The following MAP2 variants were observed in gnomAD, a reference collection of about 807,000 sequenced individuals.
MAP2 encodes the protein microtubule associated protein 2.
A neutral mutation model predicts 137.6 loss-of-function variants in MAP2; 14 were observed. The observed-to-expected ratio is 0.10, with a 90% CI of 0.07 to 0.16. The LOEUF (loss-of-function observed/expected upper bound fraction) is 0.16. Ranked by LOEUF, MAP2 falls within the 10% of genes least tolerant of loss-of-function variation. The pLI is 1.00. For synonymous variants in MAP2, 786 were observed against 782.3 expected (o/e 1.00, Z -0.08); for missense variants, 2,088 against 2,191.5 (o/e 0.95, Z 0.94).
rs1343046264 is a variant in MAP2, at chr2:209,538,390, A to G, written c.-172+30749A>G. 2.0e-5 allele frequency among the ~76,000 whole-genome samples: 3 copies of G among 152,110 alleles called. No individual in the cohort carries two copies. The East Asian group carries it at 5.8e-4, about 29-fold the overall frequency. ...TATCATTGGTTCATATTCCATATTT[A>G]TATCATTTGTTCAAGTTCCTCAAAT... On this transcript the variant is annotated intron_variant, in intron 2 of 15. Coordinates refer to ENST00000682079, the MANE Select transcript of MAP2 (RefSeq NM_001375505.1).
rs767516546 is a variant in MAP2 at position 209,694,680 on chromosome 2, A to T, written c.2510A>T (p.Glu837Val). Residue 837 changes from glutamate (E) to valine (V), a missense_variant, in exon 8 of 16, where the codon GAG becomes GTG. By Grantham distance (121) the Glu-to-Val change is moderately radical. Around this residue, in one of 6 missense-constraint regions of MAP2, gnomAD observed 500 missense variants for 482.9 expected, o/e 1.04. Transcript: ENST00000682079. ...GCCAGGAGGAAATCAGTCCCATCAG[A>T]GACTGTGGTTGAGGATAGTCGTACT... The part of the protein sequence containing the change: ...EVARRKSVPS[E>V]TVVEDSRTGL... 2 of 1,614,160 alleles carry T rather than the reference A, an allele frequency of 1.2e-6. No homozygotes were observed. The highest frequency in any genetic ancestry group is 1.7e-6 in the Non-Finnish European group (2 of 1,180,020).
chr2:209,600,035 A>G (rs1310674184), intron 3 of MAP2, among the ~76,000 whole-genome samples: 1 of 152,224 alleles, frequency 6.6e-6, no homozygotes, highest in African/African-American at 2.4e-5. Context: ...TTGTTTTGAA[A>G]CTGAATGGTA....
intron 1 of MAP2, among the ~76,000 whole-genome samples, chr2:209,476,838 T>G (rs1013986399): frequency 2.6e-5 from 4 of 152,232 alleles, no homozygotes; most frequent in Non-Finnish European, 4.4e-5. Context: ...TTTTCTCATT[T>G]GAGAAAAGTG....
chr2:209,524,353 T>G (rs927818888), intron 2 of MAP2, among the ~76,000 whole-genome samples: 1 of 152,032 alleles, frequency 6.6e-6, no homozygotes, highest in African/African-American at 2.4e-5. Flanking sequence ...TTAACACACA[T>G]AATCCAGAGT....
At position 209,705,568 on chromosome 2, in the gene MAP2, T is replaced by G; in HGVS notation, c.4585-12T>G. ...ACAAGAACCCAATGTTCTTTTTGTT[T>G]TCTCCAATCAGGACGGAGTAACCAA... On this transcript the variant is annotated splice_polypyrimidine_tract_variant and intron_variant, in intron 11 of 15. Coordinates refer to ENST00000682079, the MANE Select transcript of MAP2 (RefSeq NM_001375505.1). 6.4e-7 allele frequency: 1 copy of G among 1,571,530 alleles called. No homozygotes were observed.
intron 2 of MAP2, among the ~76,000 whole-genome samples, chr2:209,559,676 T>G (rs2071547927): frequency 6.6e-6 from 1 of 151,660 alleles, no homozygotes. Context: ...AAAACCAAAT[T>G]TGGCCACTGG....
At chr2:209,670,836 A>C (rs185539008) in intron 5 of MAP2, among the ~76,000 whole-genome samples, 1 of 151,768 alleles carries the variant, frequency 6.6e-6, no homozygotes, top group East Asian at 1.9e-4. Flanking sequence ...AAGAAGAAAA[A>C]TAAAACATGT....
intron 1 of MAP2, among the ~76,000 whole-genome samples, chr2:209,483,997 G>C (rs1476056844): frequency 6.6e-6 from 1 of 152,194 alleles, no homozygotes; most frequent in East Asian, 1.9e-4. Context: ...GCAGGGAGCT[G>C]GGAGCTGTAT....
chr2:209,444,840 A>G (rs1002494470), intron 1 of MAP2, among the ~76,000 whole-genome samples: 2 of 151,500 alleles, frequency 1.3e-5, no homozygotes, highest in East Asian at 1.9e-4. Context: ...TAAAAATAGT[A>G]TATTTTTAAA....
chr2:209,425,874 A>G (rs988782948), intron 1 of MAP2, among the ~76,000 whole-genome samples: 1 of 152,236 alleles, frequency 6.6e-6, no homozygotes, highest in Non-Finnish European at 1.5e-5. Flanking sequence ...CCATCAGAAT[A>G]TAACACAAAG....
At chr2:209,584,662 G>A (rs939486447) in intron 3 of MAP2, among the ~76,000 whole-genome samples, 3 of 152,052 alleles carry the variant, frequency 2.0e-5, no homozygotes, top group African/African-American at 7.2e-5. Context: ...GTGTGTGAGA[G>A]CATGTTGAAG....
At chr2:209,566,241 A>G (rs1338014101) in intron 2 of MAP2, among the ~76,000 whole-genome samples, 1 of 152,172 alleles carries the variant, frequency 6.6e-6, no homozygotes. Flanking sequence ...ATCCTCTGTC[A>G]CGGACTTGCT....
intron 1 of MAP2, among the ~76,000 whole-genome samples, chr2:209,424,973 T>A (rs1692144206): frequency 6.6e-6 from 1 of 151,692 alleles, no homozygotes; most frequent in East Asian, 1.9e-4. Context: ...TTTAAAAGGC[T>A]TTTTTGGTGG....
chr2:209,701,841 T>C (rs1222357413), intron 11 of MAP2, among the ~76,000 whole-genome samples: 5 of 152,100 alleles, frequency 3.3e-5, no homozygotes, highest in Non-Finnish European at 4.4e-5. Context: ...AAATTAATGA[T>C]GTATGGTGGT....
At chr2:209,464,943 T>C (rs1157271045) in intron 1 of MAP2, among the ~76,000 whole-genome samples, 2 of 152,162 alleles carry the variant, frequency 1.3e-5, no homozygotes, top group Admixed American at 6.5e-5. Flanking sequence ...ATTATAATTG[T>C]GTGTGTAAAT....
intron 2 of MAP2, among the ~76,000 whole-genome samples, chr2:209,511,061 G>C (rs541186026): frequency 7.9e-5 from 12 of 152,110 alleles, no homozygotes; most frequent in Admixed American, 3.3e-4. Flanking sequence ...GAGCAGAAAA[G>C]AACTAAGATT....
In MAP2 at chr2:209,482,103, C is replaced by T. The variant is rs757886028; in HGVS notation, c.-221-25489C>T. On this transcript the variant is annotated intron_variant, in intron 1 of 15. Coordinates refer to ENST00000682079, the MANE Select transcript of MAP2 (RefSeq NM_001375505.1). ...GATTAGACCAAAATCTCAAAGACAG[C>T]AGTAGAATCAGTGTTGACACTTCAC... 4.5e-4 allele frequency among the ~76,000 whole-genome samples: 69 copies of T among 152,102 alleles called. 1 individual carries two copies. The highest frequency in any genetic ancestry group is 3.2e-3 in the Middle Eastern group (1 of 314).
At chr2:209,594,494 A>G (rs2080701722) in intron 3 of MAP2, among the ~76,000 whole-genome samples, 1 of 152,106 alleles carries the variant, frequency 6.6e-6, no homozygotes, top group Non-Finnish European at 1.5e-5. Context: ...GGGTCCTACT[A>G]TTAACAAAAC....
At chr2:209,611,688 G>A (rs930395602) in intron 3 of MAP2, among the ~76,000 whole-genome samples, 1 of 151,972 alleles carries the variant, frequency 6.6e-6, no homozygotes, top group Non-Finnish European at 1.5e-5. Context: ...CCATAACAGT[G>A]TTAGTCAACA....
Sources: allele counts gnomAD v4.1 joint callset (sites outside exome capture counted in the v4.1 genomes callset), GRCh38; gene constraint gnomAD v4.1.1; regional missense constraint gnomAD v4.1.1; transcripts MANE v1.5; gene names NCBI Gene and HGNC (gene_info 2026-07-23, HGNC 2026-07-21).